The following CDH10 variants were observed in gnomAD, a reference collection of about 807,000 sequenced individuals.
The protein encoded by CDH10 is cadherin-10.
A neutral mutation model predicts 73.1 loss-of-function variants in CDH10; 30 were observed. The observed-to-expected ratio is 0.41, with a 90% CI of 0.31 to 0.56. The LOEUF (loss-of-function observed/expected upper bound fraction) is 0.56, where lower values mean the gene tolerates loss of function less well. Ranked by LOEUF, CDH10 falls within the 20% of genes least tolerant of loss-of-function variation. The pLI is 0.27. For synonymous variants in CDH10, 345 were observed against 348.2 expected (o/e 0.99, Z 0.10); for missense variants, 815 against 973.7 (o/e 0.84, Z 2.17).
chr5:24,539,063 AAGACATCATTAT>A (rs1744062626), intron 2 of CDH10, among the ~76,000 whole-genome samples: 1 of 152,100 alleles, frequency 6.6e-6, no homozygotes, highest in Admixed American at 6.6e-5. Flanking sequence ...TATTTATTAT[AAGACATCATTAT>A]AGACATGTTT....
At chr5:24,593,850 T>C (rs559535991) in intron 1 of CDH10, among the ~76,000 whole-genome samples, 1 of 152,048 alleles carries the variant, frequency 6.6e-6, no homozygotes, top group South Asian at 2.1e-4. Flanking sequence ...AAGGACATTA[T>C]TAGGCTTTTT....
chr5:24,510,815 T>G (rs1473996226), intron 6 of CDH10, among the ~76,000 whole-genome samples: 1 of 152,230 alleles, frequency 6.6e-6, no homozygotes, highest in Non-Finnish European at 1.5e-5. Context: ...ACCTTTAGAT[T>G]GTATCACTGA....
At chr5:24,573,656 G>A (rs1362117194) in intron 2 of CDH10, among the ~76,000 whole-genome samples, 1 of 146,826 alleles carries the variant, frequency 6.8e-6, no homozygotes, top group Non-Finnish European at 1.5e-5. Context: ...AGCGGAGATC[G>A]CGCCACTGCA....
In CDH10 at chr5:24,599,898, T is replaced by A. The variant is rs560403786; in HGVS notation, c.-123-6285A>T. Among the ~76,000 whole-genome samples, 7 of 152,264 alleles carry A rather than the reference T, an allele frequency of 4.6e-5. No homozygotes were observed. The South Asian group carries it at 6.2e-4, about 14-fold the overall frequency. Reference sequence around the variant, plus strand: ...ACAATACTAAAAACCCACTTTTAGATGGCCCGTCTTATCTCTATGTGTAGT... The same window carrying A: ...ACAATACTAAAAACCCACTTTTAGAAGGCCCGTCTTATCTCTATGTGTAGT... On this transcript the variant is annotated intron_variant, in intron 1 of 11. Coordinates refer to ENST00000264463, the MANE Select transcript of CDH10 (RefSeq NM_006727.5).
At chr5:24,515,671 C>T (rs970673435) in intron 5 of CDH10, among the ~76,000 whole-genome samples, 2 of 152,180 alleles carry the variant, frequency 1.3e-5, no homozygotes, top group Non-Finnish European at 2.9e-5. Flanking sequence ...ACTGTCATGT[C>T]TCCTCACTCT....
intron 5 of CDH10, among the ~76,000 whole-genome samples, chr5:24,525,750 G>C (rs16893488): frequency 0.015 from 2,216 of 152,118 alleles, 54 homozygotes; most frequent in African/African-American, 0.047. Context: ...CATCAACTCA[G>C]CTTTGGGCAT....
intron 2 of CDH10, among the ~76,000 whole-genome samples, chr5:24,574,619 A>C (rs1004638815): frequency 6.8e-6 from 1 of 146,204 alleles, no homozygotes; most frequent in African/African-American, 2.4e-5. Flanking sequence ...ATATTGACAT[A>C]TTGAATAATG....
chr5:24,611,259 CA>C (rs1419823320), intron 1 of CDH10, among the ~76,000 whole-genome samples: 5 of 151,986 alleles, frequency 3.3e-5, no homozygotes, highest in Non-Finnish European at 7.4e-5. Context: ...ATGTGATTAA[CA>C]TAATATAGCT....
chr5:24,589,085 G>A (rs76305050), intron 2 of CDH10, among the ~76,000 whole-genome samples: 4 of 152,268 alleles, frequency 2.6e-5, no homozygotes, highest in Non-Finnish European at 5.9e-5. Flanking sequence ...TCTTTGAGCA[G>A]AGAGCTTATA....
intron 7 of CDH10, 82 bp from the exon 8 acceptor site, chr5:24,505,330 A>G (rs1173854612): frequency 9.9e-7 from 1 of 1,013,606 alleles, no homozygotes; most frequent in African/African-American, 1.6e-5. Context: ...AAACCCACAC[A>G]TATCACTGAT....
intron 2 of CDH10, among the ~76,000 whole-genome samples, chr5:24,541,727 T>C (rs1000524432): frequency 1.3e-5 from 2 of 152,106 alleles, no homozygotes; most frequent in East Asian, 3.9e-4. Context: ...TGTGAAACAT[T>C]TGTGTCACAC....
intron 11 of CDH10, among the ~76,000 whole-genome samples, chr5:24,488,920 C>T (rs1741947795): frequency 6.6e-6 from 1 of 151,526 alleles, no homozygotes; most frequent in African/African-American, 2.4e-5. Flanking sequence ...AAGTGCACTG[C>T]TCAAAAAGAA....
chr5:24,642,843 C>G (rs988608300), intron 1 of CDH10, among the ~76,000 whole-genome samples: 1 of 151,582 alleles, frequency 6.6e-6, no homozygotes, highest in Non-Finnish European at 1.5e-5. Flanking sequence ...GTATGAAATT[C>G]TATTCTTTGA....
chr5:24,631,625 C>G (rs955910954), intron 1 of CDH10, among the ~76,000 whole-genome samples: 11 of 151,796 alleles, frequency 7.2e-5, no homozygotes, highest in Non-Finnish European at 1.5e-4. Context: ...GACCATGTTC[C>G]CTCATCCACA....
intron 5 of CDH10, among the ~76,000 whole-genome samples, chr5:24,522,961 G>A (rs1039470318): frequency 6.6e-6 from 1 of 152,076 alleles, no homozygotes; most frequent in Admixed American, 6.6e-5. Flanking sequence ...GAGAGTGCTC[G>A]TAGGACAGAA....
At chr5:24,500,826 A>G (rs1742465926) in intron 8 of CDH10, among the ~76,000 whole-genome samples, 1 of 152,218 alleles carries the variant, frequency 6.6e-6, no homozygotes, top group South Asian at 2.1e-4. Flanking sequence ...CTTTCTCCAC[A>G]TAAAGTATTC....
At chr5:24,584,445 C>CTTTTTTTTTTTTTT (rs34192671) in intron 2 of CDH10, among the ~76,000 whole-genome samples, 8 of 28,090 alleles carry the variant, frequency 2.8e-4, no homozygotes, top group Admixed American at 5.7e-4. Flanking sequence ...CTTTCTTTTC[C>CTTTTTTTTTTTTTT]TTTTTTTTTT....
At chr5:24,560,945 T>C (rs1744938483) in intron 2 of CDH10, among the ~76,000 whole-genome samples, 2 of 152,144 alleles carry the variant, frequency 1.3e-5, no homozygotes, top group South Asian at 4.1e-4. Context: ...ATTCTAGCTA[T>C]GTAATTTATT....
intron 2 of CDH10, among the ~76,000 whole-genome samples, chr5:24,550,463 G>T (rs1744504073): frequency 6.6e-6 from 1 of 151,970 alleles, no homozygotes; most frequent in African/African-American, 2.4e-5. Flanking sequence ...GAAATACTAG[G>T]ATTCCATAAA....
Sources: gnomAD v4.1 joint callset for allele counts (sites outside exome capture counted in the v4.1 genomes callset) on GRCh38, gnomAD v4.1.1 for gene constraint, MANE v1.5 for transcripts, NCBI Gene and HGNC (gene_info 2026-07-23, HGNC 2026-07-21) for gene names.